ANKRD28: variants seen among roughly 807,000 people sequenced by gnomAD.
The protein encoded by ANKRD28 is serine/threonine-protein phosphatase 6 regulatory ankyrin repeat subunit A.
ANKRD28 carries 44 observed loss-of-function variants against 126.5 expected under a neutral mutation model. That is an observed-to-expected ratio of 0.35 (90% CI 0.27 to 0.45). The LOEUF (loss-of-function observed/expected upper bound fraction) is 0.45, where lower values mean the gene tolerates loss of function less well. Among genes scored for constraint, ANKRD28 ranks in the 20% least tolerant of loss-of-function variants. The pLI, the probability that ANKRD28 is intolerant of heterozygous loss-of-function variation, is 1.00. For missense variants in ANKRD28, 1,110 were observed against 1,316.6 expected, an observed-to-expected ratio of 0.84 and a Z score of 2.43; for synonymous variants, 442 against 468.5, an observed-to-expected ratio of 0.94 and a Z score of 0.73.
At chr3:15,813,737 T>C (rs2060774878) in intron 1 of ANKRD28, among the ~76,000 whole-genome samples, 4 of 152,254 alleles carry the variant, frequency 2.6e-5, no homozygotes, top group African/African-American at 9.6e-5. Context: ...TTTTAAAAAC[T>C]ACTTTCATGA....
chr3:15,741,909 G>A (rs969767716), intron 4 of ANKRD28, among the ~76,000 whole-genome samples: 53 of 151,856 alleles, frequency 3.5e-4, no homozygotes, highest in African/African-American at 1.1e-3. Flanking sequence ...ACTGGTTTTC[G>A]TATTTTTTTG....
At chr3:15,704,690 C>T (rs2071115669) in intron 14 of ANKRD28, among the ~76,000 whole-genome samples, 1 of 151,800 alleles carries the variant, frequency 6.6e-6, no homozygotes, top group Non-Finnish European at 1.5e-5. Context: ...CAATTGTACC[C>T]AATTTAAGAA....
chr3:15,701,576 G>A (rs1413026105), intron 14 of ANKRD28, among the ~76,000 whole-genome samples: 1 of 152,052 alleles, frequency 6.6e-6, no homozygotes, highest in Non-Finnish European at 1.5e-5. Flanking sequence ...CCCAGGAGGC[G>A]GAGGTTGCAG....
chr3:15,792,561 C>T (rs1231871940), intron 2 of ANKRD28, among the ~76,000 whole-genome samples: 2 of 151,950 alleles, frequency 1.3e-5, no homozygotes, highest in African/African-American at 4.8e-5. Flanking sequence ...TTACCAGAGG[C>T]TGGGAAGGGT....
chr3:15,722,467 A>G (rs933424904), intron 7 of ANKRD28, among the ~76,000 whole-genome samples: 1 of 152,186 alleles, frequency 6.6e-6, no homozygotes. Context: ...CCTTTGGCTG[A>G]TCTCAGTTTG....
intron 8 of ANKRD28, among the ~76,000 whole-genome samples, chr3:15,715,540 T>C (rs966107280): frequency 6.6e-6 from 1 of 152,246 alleles, no homozygotes; most frequent in Non-Finnish European, 1.5e-5. Flanking sequence ...CAAGTAATTT[T>C]ACAGAAGTTC....
chr3:15,742,399 G>A (rs1187530081), intron 4 of ANKRD28, among the ~76,000 whole-genome samples: 1 of 148,782 alleles, frequency 6.7e-6, no homozygotes, highest in Non-Finnish European at 1.5e-5. Flanking sequence ...GCCCCGTCTG[G>A]GATGTGAGAA....
At chr3:15,675,498 G>T (rs903861136) in intron 27 of ANKRD28, among the ~76,000 whole-genome samples, 9 of 152,102 alleles carry the variant, frequency 5.9e-5, no homozygotes, top group South Asian at 2.1e-4. Context: ...ACACAAAAGA[G>T]AACTGTCAAA....
intron 2 of ANKRD28, among the ~76,000 whole-genome samples, chr3:15,768,481 T>C (rs2058849421): frequency 6.6e-6 from 1 of 152,032 alleles, no homozygotes; most frequent in Non-Finnish European, 1.5e-5. Context: ...ACCTCATCTC[T>C]ACAAAAAAAT....
chr3:15,841,594 A>G (rs2061425496), intron 1 of ANKRD28, among the ~76,000 whole-genome samples: 1 of 152,188 alleles, frequency 6.6e-6, no homozygotes, highest in African/African-American at 2.4e-5. Flanking sequence ...AAAAAAACCT[A>G]ATAACCCAAT....
chr3:15,821,541 C>T lies in ANKRD28; in HGVS notation c.28-26235G>A, dbSNP rs964918357. 2.6e-5 allele frequency among the ~76,000 whole-genome samples: 4 copies of T among 152,084 alleles called. No individual in the cohort carries two copies. In the East Asian group the frequency reaches 5.8e-4, roughly 22 times the overall value. On this transcript the variant is annotated intron_variant, in intron 1 of 27. Transcript: ENST00000399451. Reference sequence around the variant, plus strand: ...ATCACAATATATAGCAGAATAAGAACTCCAAATCTCCATCCCTTCACAAAG... The same window carrying T: ...ATCACAATATATAGCAGAATAAGAATTCCAAATCTCCATCCCTTCACAAAG...
upstream of ANKRD28, among the ~76,000 whole-genome samples, chr3:15,798,814 T>A (rs867618607): frequency 7.2e-5 from 11 of 152,246 alleles, no homozygotes; most frequent in Middle Eastern, 0.02. Context: ...GGGATATTTC[T>A]CAAGAGAAAA....
chr3:15,702,802 C>T (rs2070798216), intron 14 of ANKRD28, among the ~76,000 whole-genome samples: 1 of 152,070 alleles, frequency 6.6e-6, no homozygotes, highest in Admixed American at 6.5e-5. Context: ...TCATGGCATA[C>T]AACAGTTCTT....
intron 1 of ANKRD28, among the ~76,000 whole-genome samples, chr3:15,807,538 TGA>T (rs2060610994): frequency 6.6e-6 from 1 of 152,186 alleles, no homozygotes; most frequent in Admixed American, 6.5e-5. Context: ...CCTGTTAAAA[TGA>T]GAGTTTTATC....
chr3:15,710,223 C>T (rs1332108667), intron 12 of ANKRD28, among the ~76,000 whole-genome samples: 1 of 152,070 alleles, frequency 6.6e-6, no homozygotes, highest in Non-Finnish European at 1.5e-5. Flanking sequence ...CTTATCTTCT[C>T]CTATACTATG....
At chr3:15,692,198 C>T (rs2068903483) in intron 17 of ANKRD28, among the ~76,000 whole-genome samples, 1 of 148,742 alleles carries the variant, frequency 6.7e-6, no homozygotes. Flanking sequence ...ACACCTATAT[C>T]TCAGCACTTT....
chr3:15,743,995 T>C (rs2057304077), intron 4 of ANKRD28, among the ~76,000 whole-genome samples: 1 of 152,224 alleles, frequency 6.6e-6, no homozygotes, highest in South Asian at 2.1e-4. Context: ...ATCTCAAAAA[T>C]ATAAACCAAA....
chr3:15,850,208 T>A (rs759096797), intron 1 of ANKRD28, among the ~76,000 whole-genome samples: 817 of 48,564 alleles, frequency 0.017, 6 homozygotes, highest in African/African-American at 0.038. Context: ...AAAAAAAATA[T>A]ATATATATAT....
At chr3:15,826,776 A>G (rs2061076190) in intron 1 of ANKRD28, among the ~76,000 whole-genome samples, 1 of 152,180 alleles carries the variant, frequency 6.6e-6, no homozygotes, top group African/African-American at 2.4e-5. Context: ...AAATTGGAGA[A>G]GAGTAGACTG....
Sources: allele counts gnomAD v4.1 joint callset (sites outside exome capture counted in the v4.1 genomes callset), GRCh38; gene constraint gnomAD v4.1.1; transcripts MANE v1.5; gene names NCBI Gene and HGNC (gene_info 2026-07-23, HGNC 2026-07-21).